DOT1L: variants seen among roughly 807,000 people sequenced by gnomAD.
DOT1L encodes the protein histone-lysine N-methyltransferase, H3 lysine-79 specific.
DOT1L carries 33 observed loss-of-function variants against 153.3 expected under a neutral mutation model. The observed-to-expected ratio is 0.22, with a 90% CI of 0.16 to 0.29. The LOEUF is 0.29. DOT1L is among the 10% of genes least tolerant of loss of function. DOT1L has a pLI of 1.00. For synonymous variants in DOT1L, 1,135 were observed against 965.1 expected (o/e 1.18, Z -3.26); for missense variants, 1,847 against 2,119.9 (o/e 0.87, Z 2.53).
intron 1 of DOT1L, among the ~76,000 whole-genome samples, chr19:2,165,422 G>A (rs1046148907): frequency 2.0e-5 from 3 of 152,200 alleles, no homozygotes; most frequent in African/African-American, 7.2e-5. Context: ...GCAGCTTCCA[G>A]CCTGGCCGCA....
At chr19:2,198,201 C>T (rs1282522365) in intron 7 of DOT1L, among the ~76,000 whole-genome samples, 1 of 152,230 alleles carries the variant, frequency 6.6e-6, no homozygotes, top group Non-Finnish European at 1.5e-5. Flanking sequence ...CTTAGTGCTG[C>T]TCAGGACTTG....
chr19:2,211,703 T>C (rs2144839688), intron 15 of DOT1L, 48 bp from the exon 16 acceptor site: 2 of 1,495,768 alleles, frequency 1.3e-6, no homozygotes, highest in Non-Finnish European at 1.8e-6. Context: ...CTCTTCCCTC[T>C]CAGTCTCAGC....
intron 17 of DOT1L, 39 bp downstream of exon 17, chr19:2,213,679 G>C (rs1292409106): frequency 1.2e-6 from 2 of 1,611,050 alleles, no homozygotes; most frequent in Non-Finnish European, 1.7e-6. Flanking sequence ...GTGGCAGCTG[G>C]GGCGCAGGCT....
Position 2,229,878 on chromosome 19 carries a change from T to TC in DOT1L, c.*89dup. 1 of 1,608,890 alleles carries TC rather than the reference T, an allele frequency of 6.2e-7. No individual in the cohort carries two copies. Among genetic ancestry groups the TC allele is most frequent in the Non-Finnish European group, 8.5e-7 (1 of 1,178,470 alleles). ...CATGGTGCCCGCCGGCCTGCCGGGCTCCCACCCCTGGACGGCAGAGGCAAG... is the reference window on the plus strand; with the variant it reads ...CATGGTGCCCGCCGGCCTGCCGGGCTCCCCACCCCTGGACGGCAGAGGCAAG... On this transcript the variant is annotated 3_prime_UTR_variant, in exon 28 of 28. Transcript: ENST00000398665.
In DOT1L at chr19:2,190,401, G is replaced by A. The variant is rs2022740390; in HGVS notation, c.264+606G>A. Among the ~76,000 whole-genome samples the A allele has an allele frequency of 6.6e-6, 1 of 152,098 alleles. No homozygotes were observed. The highest frequency in any genetic ancestry group is 2.1e-4 in the South Asian group (1 of 4,834). ...CTGTGGAGGGAGCCCTGGTGGGGGT[G>A]GCATGGGCTCACTTGGCCCTCCTGA... On this transcript the variant is annotated intron_variant, in intron 4 of 27. Transcript: ENST00000398665. This position sits in a 1 kb window ranked among gnomAD's most constrained non-coding sequence, Gnocchi z 4.8.
chr19:2,194,071 C>T (rs1314024593), intron 6 of DOT1L, among the ~76,000 whole-genome samples: 1 of 152,226 alleles, frequency 6.6e-6, no homozygotes. Flanking sequence ...CTCAGCTCTA[C>T]CTCGTGGCAC....
In DOT1L at chr19:2,191,174, C is replaced by G. The variant is rs2144742566; in HGVS notation, c.427C>G (p.Leu143Val). The G allele has an allele frequency of 6.2e-7, 1 of 1,613,908 alleles. No individual in the cohort carries two copies. Among genetic ancestry groups the G allele is most frequent in the Non-Finnish European group, 8.5e-7 (1 of 1,179,994 alleles). The change falls in exon 5 of 28, where the codon CTG (leucine) becomes GTG (valine). Residue 143 changes from leucine (L) to valine (V), a missense_variant. By Grantham distance (32) the Leu-to-Val change is conservative (BLOSUM62 1). This residue lies in a region of DOT1L where 148 missense variants were observed against 422.3 expected (regional missense o/e 0.35). Transcript: ENST00000398665. The surrounding 1 kb of genome is among the most constrained non-coding windows in gnomAD (Gnocchi z 6.8). ...PEVYGETSFDLVAQMIDEIKM... is the reference protein window; with the variant it reads ...PEVYGETSFDVVAQMIDEIKM... ...GGTGTACGGGGAGACCTCCTTCGACCTGGTGGCCCAGATGATTGATGAGAT... is the reference window on the plus strand; with the variant it reads ...GGTGTACGGGGAGACCTCCTTCGACGTGGTGGCCCAGATGATTGATGAGAT...
chr19:2,191,383 C>T lies in DOT1L; in HGVS notation c.493+143C>T. 1.2e-6 allele frequency: 1 copy of T among 848,470 alleles called. No homozygotes were observed. The highest frequency in any genetic ancestry group is 1.6e-5 in the South Asian group (1 of 62,854). 52.6% of individuals were successfully genotyped at this position (848,470 alleles called of 1,614,324 possible). A position where few individuals can be genotyped will look rare whatever the true frequency, so the allele number is the denominator to read the frequency against. ...GCTTCCTTCTCCCAGCGCCTCTGTC[C>T]CGCTGTGGGGCCGTTCCTTTCCCCA... is the stretch of plus-strand genomic sequence containing the variant. On this transcript the variant is annotated intron_variant, in intron 5 of 27. Transcript: ENST00000398665. This position sits in a 1 kb window ranked among gnomAD's most constrained non-coding sequence, Gnocchi z 6.8.
chr19:2,199,293 G>A (rs2023147187), intron 7 of DOT1L, among the ~76,000 whole-genome samples: 1 of 152,222 alleles, frequency 6.6e-6, no homozygotes, highest in African/African-American at 2.4e-5. Flanking sequence ...GGTGCTCAGG[G>A]CAGACGCCCC....
chr19:2,194,729 T>C (rs985067485), intron 7 of DOT1L, 152 bp downstream of exon 7: 3 of 829,202 alleles, frequency 3.6e-6, no homozygotes, highest in Non-Finnish European at 3.7e-6. Context: ...TAGGGCTGCC[T>C]GGGCGTGGCG....
In DOT1L at chr19:2,197,144, C is replaced by T. The variant is rs2023057351; in HGVS notation, c.651+2567C>T. 6.6e-6 allele frequency among the ~76,000 whole-genome samples: 1 copy of T among 152,200 alleles called. No individual in the cohort carries two copies. Among genetic ancestry groups the T allele is most frequent in the Admixed American group, 6.5e-5 (1 of 15,286 alleles). On this transcript the variant is annotated intron_variant, in intron 7 of 27. Coordinates refer to ENST00000398665, the MANE Select transcript of DOT1L (RefSeq NM_032482.3). The surrounding 1 kb of genome is among the most constrained non-coding windows in gnomAD (Gnocchi z 4.1). The stretch of plus-strand genomic sequence containing the variant: ...TGCGGCCACGCCTGTCTGGTTTGGT[C>T]TCTGGGTGGCGCTCCCTCGGCTTCT...
chr19:2,232,547 A>T lies in DOT1L; in HGVS notation c.*2755A>T, dbSNP rs527548443. The stretch of plus-strand genomic sequence containing the variant: ...CTGCATTCTGCATCCCCACCTCTAG[A>T]CGCTGTAATAAACAGACTGTTTTCA... On this transcript the variant is annotated 3_prime_UTR_variant, in exon 28 of 28. Coordinates refer to ENST00000398665, the MANE Select transcript of DOT1L (RefSeq NM_032482.3). The T allele has an allele frequency of 4.7e-5, 10 of 211,934 alleles. No homozygotes were observed. Among genetic ancestry groups the T allele is most frequent in the African/African-American group, 2.3e-4 (10 of 44,122 alleles). The allele number at this position is 211,934 out of a possible 1,614,324, so 13.1% of individuals were successfully genotyped here. A position where few individuals can be genotyped will look rare whatever the true frequency, so the allele number is the denominator to read the frequency against.
rs764990608 is a variant in DOT1L at position 2,208,998 on chromosome 19, C to T, written c.1005+22C>T. 1.4e-5 allele frequency: 22 copies of T among 1,611,176 alleles called. No homozygotes were observed. In the South Asian group the frequency reaches 2.4e-4, roughly 18 times the overall value. ...CAGGGTAAGTTTGTGTGTTTTTTCTCTTGGGTTAATAACACGCATGCACTG... is the reference window on the plus strand; with the variant it reads ...CAGGGTAAGTTTGTGTGTTTTTTCTTTTGGGTTAATAACACGCATGCACTG... On this transcript the variant is annotated intron_variant, in intron 12 of 27. Coordinates refer to ENST00000398665, the MANE Select transcript of DOT1L (RefSeq NM_032482.3). The surrounding 1 kb of genome is among the most constrained non-coding windows in gnomAD (Gnocchi z 4.4).
At chr19:2,211,027 C>T (rs557310073) in intron 14 of DOT1L, 72 bp from the exon 15 acceptor site, 46 of 1,507,136 alleles carry the variant, frequency 3.1e-5, no homozygotes, top group South Asian at 8.2e-5. Context: ...TGGGCACCTG[C>T]CCCATGCTGA....
At chr19:2,183,083 TCAC>T (rs1284269668) in intron 2 of DOT1L, among the ~76,000 whole-genome samples, 18 of 152,294 alleles carry the variant, frequency 1.2e-4, no homozygotes, top group African/African-American at 3.9e-4. Flanking sequence ...CTTTTCTGTC[TCAC>T]TTCCTCTAGA....
In DOT1L at chr19:2,232,010, GCCTGTGTTCTT is replaced by G. The variant is rs1236168571; in HGVS notation, c.*2220_*2230del. 1 of 208,470 alleles carries G rather than the reference GCCTGTGTTCTT, an allele frequency of 4.8e-6. No homozygotes were observed. The highest frequency in any genetic ancestry group is 9.8e-6 in the Non-Finnish European group (1 of 102,332). The allele number at this position is 208,470 out of a possible 1,614,324, so 12.9% of individuals were successfully genotyped here. ...GACACCCTCCTGTTCTGAGCCCTGG[GCCTGTGTTCTT>G]CTCAGACACTCCCAGACTGAGGGGT... is the stretch of plus-strand genomic sequence containing the variant. On this transcript the variant is annotated 3_prime_UTR_variant, in exon 28 of 28. Transcript: ENST00000398665.
chr19:2,228,530 C>A, intron 27 of DOT1L: 1 of 1,157,648 alleles, frequency 8.6e-7, no homozygotes, highest in Non-Finnish European at 1.1e-6. Flanking sequence ...GAGATGGTCG[C>A]GAGAGGAGGG....
intron 3 of DOT1L, among the ~76,000 whole-genome samples, chr19:2,188,830 C>T (rs753455466): frequency 4.6e-5 from 7 of 152,170 alleles, no homozygotes; most frequent in Non-Finnish European, 7.4e-5. Flanking sequence ...GCCAGGCAGA[C>T]CCCGTAGCAG....
At position 2,226,922 on chromosome 19, in the gene DOT1L, C is replaced by T. The variant is rs1381246541; in HGVS notation, c.4401C>T (p.Pro1467=). ...AGACGCACCGGTCCTTCCTGGGCCC[C>T]TTCCCGCCGGGACCGCAGTTCGCGC... The part of the protein sequence containing the change: ...SAQTHRSFLG[P]FPPGPQFALG... The change falls in exon 27 of 28, where the codon CCC becomes CCT. Residue 1467 remains proline (P), a synonymous_variant. Coordinates refer to ENST00000398665, the MANE Select transcript of DOT1L (RefSeq NM_032482.3). 4 of 1,581,038 alleles carry T rather than the reference C, an allele frequency of 2.5e-6. No individual in the cohort carries two copies. The highest frequency in any genetic ancestry group is 1.4e-5 in the African/African-American group (1 of 72,500).
Sources: gnomAD v4.1 joint callset for allele counts (sites outside exome capture counted in the v4.1 genomes callset) on GRCh38, gnomAD v4.1.1 for gene constraint, gnomAD v4.1.1 regional missense constraint, Gnocchi (gnomAD v3.1) non-coding constraint, MANE v1.5 for transcripts, NCBI Gene and HGNC (gene_info 2026-07-23, HGNC 2026-07-21) for gene names.